The following GASK1A variants were observed in gnomAD, a reference collection of about 807,000 sequenced individuals.
GASK1A encodes the protein Golgi-associated kinase 1A.
In GASK1A, 40 loss-of-function variants were observed where a neutral mutation model predicts 41.2. The ratio of observed to expected loss-of-function variants is 0.97; its 90% CI spans 0.75 to 1.27. GASK1A has a LOEUF of 1.27. GASK1A is among the 50% of genes most tolerant of loss of function. The probability of loss-of-function intolerance (pLI) is 0.00; values close to 1 mark genes in which losing one functional copy is unlikely to be tolerated. For synonymous variants in GASK1A, 316 were observed against 307.1 expected (o/e 1.03, Z -0.30); for missense variants, 678 against 745.1 (o/e 0.91, Z 1.05).
intron 1 of GASK1A, 78 bp downstream of exon 1, chr3:42,979,723 G>T: frequency 3.3e-6 from 4 of 1,230,174 alleles, no homozygotes; most frequent in Non-Finnish European, 2.1e-6. Context: ...AACGCGCAGC[G>T]GCCCAGGGCG....
intron 1 of GASK1A, among the ~76,000 whole-genome samples, chr3:42,985,157 GA>G (rs1401449810): frequency 6.6e-6 from 1 of 152,020 alleles, no homozygotes; most frequent in Non-Finnish European, 1.5e-5. Context: ...GAAGATAGAA[GA>G]AAAAATAATT....
At chr3:43,008,833 C>T (rs1056468063) in intron 1 of GASK1A, among the ~76,000 whole-genome samples, 3 of 152,214 alleles carry the variant, frequency 2.0e-5, no homozygotes, top group African/African-American at 7.2e-5. Context: ...GAAACCTCTT[C>T]ACACGCTTTC....
intron 1 of GASK1A, among the ~76,000 whole-genome samples, chr3:42,992,221 T>C (rs1053034621): frequency 6.6e-6 from 1 of 151,986 alleles, no homozygotes; most frequent in Non-Finnish European, 1.5e-5. Flanking sequence ...AGACTGTAAT[T>C]GTCGTAATAT....
chr3:43,033,616 C>T, intron 2 of GASK1A, 63 bp downstream of exon 2: 3 of 1,395,926 alleles, frequency 2.1e-6, no homozygotes, highest in Non-Finnish European at 2.8e-6. Flanking sequence ...GGTGGAGAGG[C>T]CTGAATTGCC....
rs1575431239 is a variant in GASK1A at position 42,979,417 on chromosome 3, A to G, written c.-226A>G. ...TCAGTAGATCCGGCGTGTATTCCCC[A>G]CCCGCGGAGTATCCCGGTGTGCAGC... On this transcript the variant is annotated 5_prime_UTR_variant, in exon 1 of 5. Transcript: ENST00000430121. The G allele has an allele frequency of 1.2e-5, 5 of 413,770 alleles. No homozygotes were observed. Among genetic ancestry groups the G allele is most frequent in the Non-Finnish European group, 2.1e-5 (5 of 242,100 alleles). 25.6% of individuals were successfully genotyped at this position (413,770 alleles called of 1,614,324 possible). A position where few individuals can be genotyped will look rare whatever the true frequency, so the allele number is the denominator to read the frequency against.
chr3:43,015,592 G>GA (rs2089486859), intron 1 of GASK1A, among the ~76,000 whole-genome samples: 1 of 150,778 alleles, frequency 6.6e-6, no homozygotes, highest in African/African-American at 2.4e-5. Context: ...TCACAGGAAG[G>GA]AAAGTAGGAA....
chr3:43,043,345 C>T (rs1425709165), intron 2 of GASK1A, among the ~76,000 whole-genome samples: 1 of 152,184 alleles, frequency 6.6e-6, no homozygotes, highest in Non-Finnish European at 1.5e-5. Flanking sequence ...GACCTTCCCA[C>T]CCCCACAGCT....
chr3:43,039,206 T>TG (rs1559406218), intron 2 of GASK1A, among the ~76,000 whole-genome samples: 1 of 136,184 alleles, frequency 7.3e-6, no homozygotes, highest in Non-Finnish European at 1.6e-5. Context: ...TTTTTTTTGG[T>TG]TTTTTTTTTT....
intron 1 of GASK1A, 73 bp downstream of exon 1, chr3:42,979,718 G>A (rs887606389): frequency 1.6e-6 from 2 of 1,238,364 alleles, no homozygotes; most frequent in Non-Finnish European, 2.0e-6. Flanking sequence ...CAGTCAACGC[G>A]CAGCGGCCCA....
intron 2 of GASK1A, among the ~76,000 whole-genome samples, chr3:43,052,013 A>C (rs2125692504): frequency 6.6e-6 from 1 of 152,228 alleles, no homozygotes; most frequent in East Asian, 1.9e-4. Context: ...TTGCAGCCTG[A>C]GAGTTAGATA....
chr3:42,986,216 A>G (rs143469749), intron 1 of GASK1A, among the ~76,000 whole-genome samples: 1 of 152,228 alleles, frequency 6.6e-6, no homozygotes, highest in Non-Finnish European at 1.5e-5. Context: ...GGGAGAAACC[A>G]ATCCTACTGG....
In GASK1A at chr3:43,033,263, G is replaced by A. The variant is rs757704617; in HGVS notation, c.1000G>A (p.Val334Ile). The change falls in exon 2 of 5, where the codon GTA (valine) becomes ATA (isoleucine). Residue 334 changes from valine to isoleucine, a missense_variant. By Grantham distance (29) the Val-to-Ile change is conservative. Coordinates refer to ENST00000430121, the MANE Select transcript of GASK1A (RefSeq NM_001129908.3). ...GDLPEVLSFH[V>I]DRVLGLRRSL... ...CCTGCCTGAGGTCCTGTCCTTCCAC[G>A]TAGATCGTGTGCTGGGGCTGCGCCG... 14 of 1,551,574 alleles carry A rather than the reference G, an allele frequency of 9.0e-6. No individual in the cohort carries two copies. The highest frequency in any genetic ancestry group is 3.9e-5 in the Admixed American group (2 of 50,986).
intron 2 of GASK1A, among the ~76,000 whole-genome samples, chr3:43,038,466 A>G (rs1188218990): frequency 6.6e-6 from 1 of 152,146 alleles, no homozygotes; most frequent in Non-Finnish European, 1.5e-5. Flanking sequence ...AAGCCCCCCA[A>G]AAATTATCTA....
chr3:43,039,839 C>T (rs2089626768), intron 2 of GASK1A, among the ~76,000 whole-genome samples: 1 of 152,178 alleles, frequency 6.6e-6, no homozygotes, highest in African/African-American at 2.4e-5. Context: ...CCTCCAGCTC[C>T]ATCCATGTTC....
At chr3:42,995,879 A>G (rs1332828864) in intron 1 of GASK1A, among the ~76,000 whole-genome samples, 1 of 152,050 alleles carries the variant, frequency 6.6e-6, no homozygotes, top group African/African-American at 2.4e-5. Context: ...TCCCAGCCCC[A>G]CTCCCAGATC....
At chr3:42,986,059 GC>G (rs1000453721) in intron 1 of GASK1A, among the ~76,000 whole-genome samples, 9 of 152,148 alleles carry the variant, frequency 5.9e-5, no homozygotes, top group Admixed American at 1.3e-4. Context: ...ACGTATAATT[GC>G]CCCAAACTGG....
At chr3:43,055,760 C>T (rs1475434371) in intron 4 of GASK1A, 1 of 536,010 alleles carries the variant, frequency 1.9e-6, no homozygotes, top group East Asian at 3.3e-5. Flanking sequence ...CTGCAGAATA[C>T]TAGCTGTATT....
chr3:43,042,314 A>T (rs1265170836), intron 2 of GASK1A, among the ~76,000 whole-genome samples: 1 of 147,236 alleles, frequency 6.8e-6, no homozygotes, highest in East Asian at 2.0e-4. Context: ...ACAAAAAAAA[A>T]AAAAAAAAAA....
chr3:42,997,439 G>C (rs79982294), intron 1 of GASK1A, among the ~76,000 whole-genome samples: 4 of 128,300 alleles, frequency 3.1e-5, no homozygotes, highest in Middle Eastern at 4.2e-3. Flanking sequence ...ACAGAGAGAG[G>C]GGGGGGGGAT....
Sources: allele counts gnomAD v4.1 joint callset (sites outside exome capture counted in the v4.1 genomes callset), GRCh38; gene constraint gnomAD v4.1.1; transcripts MANE v1.5; gene names NCBI Gene and HGNC (gene_info 2026-07-23, HGNC 2026-07-21).